STK32A: variants seen among roughly 807,000 people sequenced by gnomAD.
STK32A encodes serine/threonine kinase 32A.
A neutral mutation model predicts 53.2 loss-of-function variants in STK32A; 41 were observed. The ratio of observed to expected loss-of-function variants is 0.77; its 90% CI spans 0.60 to 1.00. The LOEUF is 1.00. Among genes scored for constraint, STK32A ranks in the 50% least tolerant of loss-of-function variants. STK32A has a pLI of 0.00. For missense variants in STK32A, 458 were observed against 485.8 expected (o/e 0.94, Z 0.54); for synonymous variants, 166 against 162.8 (o/e 1.02, Z -0.15).
At position 147,364,002 on chromosome 5, in the gene STK32A, G is replaced by C. The variant is rs543392726; in HGVS notation, c.660+2388G>C. ...AGGCTGAGGCGGGCAGATCACCTGAGGTCAGTAATTCGAGTCCAACCTGAT... is the reference window on the plus strand; with the variant it reads ...AGGCTGAGGCGGGCAGATCACCTGACGTCAGTAATTCGAGTCCAACCTGAT... On this transcript the variant is annotated intron_variant, in intron 8 of 12. Coordinates refer to ENST00000397936, the MANE Select transcript of STK32A (RefSeq NM_001112724.2). Among the ~76,000 whole-genome samples the C allele has an allele frequency of 6.6e-5, 10 of 152,074 alleles. No homozygotes were observed. In the East Asian group the frequency reaches 1.9e-3, roughly 29 times the overall value.
chr5:147,270,617 A>G (rs1397781763), intron 2 of STK32A, among the ~76,000 whole-genome samples: 2 of 152,236 alleles, frequency 1.3e-5, no homozygotes, highest in Admixed American at 1.3e-4. Flanking sequence ...GTGTGCTTAC[A>G]TATCAAAAAA....
At chr5:147,363,828 T>G (rs975389046) in intron 8 of STK32A, among the ~76,000 whole-genome samples, 10 of 152,188 alleles carry the variant, frequency 6.6e-5, no homozygotes, top group Admixed American at 3.3e-4. Flanking sequence ...GCTTTTTGCT[T>G]AATTATTTTT....
At chr5:147,350,419 T>C (rs1036434521) in intron 6 of STK32A, among the ~76,000 whole-genome samples, 2 of 151,862 alleles carry the variant, frequency 1.3e-5, no homozygotes, top group African/African-American at 4.8e-5. Flanking sequence ...TGGAGTGCAG[T>C]GGTGTGATCT....
intron 2 of STK32A, among the ~76,000 whole-genome samples, chr5:147,261,145 C>A (rs141476492): frequency 2.0e-5 from 3 of 152,130 alleles, no homozygotes; most frequent in African/African-American, 7.2e-5. Flanking sequence ...TCAGGAGAGA[C>A]AACCAGAGAC....
intron 6 of STK32A, among the ~76,000 whole-genome samples, chr5:147,345,181 G>T (rs950928906): frequency 1.3e-5 from 2 of 152,080 alleles, no homozygotes; most frequent in Admixed American, 6.5e-5. Flanking sequence ...TTGACAAGTT[G>T]CCTAAACTTT....
At chr5:147,401,478 C>A in the STK32A span, 3 of 1,522,218 alleles carry the variant, frequency 2.0e-6, no homozygotes, top group South Asian at 1.3e-5. Context: ...TGTCCTCAAC[C>A]CCCAGCTGGA....
intron 4 of STK32A, among the ~76,000 whole-genome samples, chr5:147,307,318 C>G (rs1056723607): frequency 2.0e-5 from 3 of 151,570 alleles, no homozygotes; most frequent in African/African-American, 7.3e-5. Context: ...TTTCTGTGTT[C>G]TCTTTAAGAA....
At chr5:147,263,176 G>A (rs1446008265) in intron 2 of STK32A, among the ~76,000 whole-genome samples, 1 of 152,164 alleles carries the variant, frequency 6.6e-6, no homozygotes, top group Admixed American at 6.5e-5. Flanking sequence ...AATACTGGCA[G>A]CCAAGGACTC....
the STK32A span, chr5:147,397,592 T>G: frequency 6.7e-7 from 1 of 1,483,994 alleles, no homozygotes; most frequent in Non-Finnish European, 9.2e-7. Flanking sequence ...GTGCCCTGTG[T>G]TCATGGTTAC....
intron 4 of STK32A, among the ~76,000 whole-genome samples, chr5:147,296,372 A>T (rs1736073668): frequency 6.6e-6 from 1 of 151,366 alleles, no homozygotes; most frequent in Admixed American, 6.6e-5. Context: ...GGAGTTTTAT[A>T]TGTTGGCAGG....
At chr5:147,263,143 T>C (rs1236565939) in intron 2 of STK32A, among the ~76,000 whole-genome samples, 1 of 152,218 alleles carries the variant, frequency 6.6e-6, no homozygotes, top group Admixed American at 6.5e-5. Flanking sequence ...GCACCCAGCC[T>C]CCTCTTCCCA....
At chr5:147,394,180 G>A in the STK32A span, 7 of 1,567,476 alleles carry the variant, frequency 4.5e-6, no homozygotes, top group Non-Finnish European at 6.1e-6. Flanking sequence ...CGGGTAGGGG[G>A]ATGTGGGCAA....
intron 7 of STK32A, 61 bp downstream of exon 7, chr5:147,351,215 G>GTAATA: frequency 2.9e-6 from 4 of 1,383,206 alleles, no homozygotes; most frequent in Non-Finnish European, 4.1e-6. Flanking sequence ...ATTACAGGTG[G>GTAATA]AATCATCTGT....
chr5:147,321,952 C>G (rs562867067), intron 4 of STK32A, among the ~76,000 whole-genome samples: 2 of 152,212 alleles, frequency 1.3e-5, no homozygotes, highest in East Asian at 3.8e-4. Flanking sequence ...GCCTTGCTTA[C>G]ATCCCACAAT....
At chr5:147,263,693 A>G (rs1754683796) in intron 2 of STK32A, among the ~76,000 whole-genome samples, 1 of 152,158 alleles carries the variant, frequency 6.6e-6, no homozygotes, top group Non-Finnish European at 1.5e-5. Flanking sequence ...CAAAGATATA[A>G]AATAAGGGTA....
chr5:147,341,677 C>A (rs556380340), intron 5 of STK32A, among the ~76,000 whole-genome samples: 99 of 152,084 alleles, frequency 6.5e-4, no homozygotes, highest in African/African-American at 2.4e-3. Flanking sequence ...GTTATAAGGC[C>A]TATAGTTATT....
At chr5:147,377,813 CA>C (rs1452245274) in intron 11 of STK32A, among the ~76,000 whole-genome samples, 1 of 152,028 alleles carries the variant, frequency 6.6e-6, no homozygotes, top group Non-Finnish European at 1.5e-5. Flanking sequence ...GGAGTTTTGA[CA>C]AAGTTGGTTT....
intron 2 of STK32A, among the ~76,000 whole-genome samples, chr5:147,271,107 G>A (rs1229767687): frequency 6.6e-6 from 1 of 152,004 alleles, no homozygotes; most frequent in Admixed American, 6.6e-5. Context: ...GGGTGTTGCA[G>A]GAAGTCAGAG....
intron 4 of STK32A, among the ~76,000 whole-genome samples, chr5:147,307,525 G>A (rs1203052826): frequency 6.6e-6 from 1 of 151,016 alleles, no homozygotes; most frequent in East Asian, 2.0e-4. Flanking sequence ...GGGAAGCTGA[G>A]GCATGAGAAT....
Sources: gnomAD v4.1 joint callset for allele counts (sites outside exome capture counted in the v4.1 genomes callset) on GRCh38, gnomAD v4.1.1 for gene constraint, MANE v1.5 for transcripts, NCBI Gene and HGNC (gene_info 2026-07-23, HGNC 2026-07-21) for gene names.